The following SCFD2 variants were observed in gnomAD, a reference collection of about 807,000 sequenced individuals.
SCFD2 encodes sec1 family domain-containing protein 2.
A neutral mutation model predicts 58.9 loss-of-function variants in SCFD2; 54 were observed. That is an observed-to-expected ratio of 0.92 (90% CI 0.74 to 1.15). The LOEUF is 1.15. Ranked by LOEUF, SCFD2 falls within the 50% of genes most tolerant of loss-of-function variation. The pLI is 0.00. For missense variants in SCFD2, 805 were observed against 836.6 expected (o/e 0.96, Z 0.47); for synonymous variants, 321 against 335.9 (o/e 0.96, Z 0.49).
At chr4:52,965,130 A>G (rs1207137464) in intron 5 of SCFD2, among the ~76,000 whole-genome samples, 1 of 152,204 alleles carries the variant, frequency 6.6e-6, no homozygotes, top group Non-Finnish European at 1.5e-5. Context: ...GGTGGAGGCC[A>G]GGCTGGAAAA....
chr4:53,358,194 T>C (rs1185246394), intron 1 of SCFD2, among the ~76,000 whole-genome samples: 1 of 152,110 alleles, frequency 6.6e-6, no homozygotes, highest in Non-Finnish European at 1.5e-5. Context: ...AATCCCAGGA[T>C]TAAGAACCAT....
intron 5 of SCFD2, among the ~76,000 whole-genome samples, chr4:52,988,499 T>G (rs4530694): frequency 0.49 from 74,613 of 152,022 alleles, 18,573 homozygotes; most frequent in Middle Eastern, 0.53. Context: ...GTTTGAGTGA[T>G]GAAGTCTGAG....
chr4:53,238,519 C>G (rs1210518660), intron 4 of SCFD2, among the ~76,000 whole-genome samples: 2 of 151,838 alleles, frequency 1.3e-5, no homozygotes, highest in African/African-American at 4.8e-5. Context: ...CACCTCCCTC[C>G]CGGATGGGGT....
intron 8 of SCFD2, among the ~76,000 whole-genome samples, chr4:52,876,137 C>T (rs1015130764): frequency 2.9e-5 from 1 of 34,380 alleles, no homozygotes; most frequent in Admixed American, 4.2e-4. Context: ...CAGCTCCACA[C>T]TGACTGGCCA....
chr4:52,979,222 G>A (rs1419172312), intron 5 of SCFD2, among the ~76,000 whole-genome samples: 1 of 152,144 alleles, frequency 6.6e-6, no homozygotes, highest in East Asian at 1.9e-4. Flanking sequence ...ACAGATGGGT[G>A]TGAATAATAC....
At chr4:53,254,845 ATTTTATTTT>A (rs1730542982) in intron 4 of SCFD2, among the ~76,000 whole-genome samples, 3 of 84,684 alleles carry the variant, frequency 3.5e-5, no homozygotes, top group Non-Finnish European at 7.6e-5. Flanking sequence ...ATTTTATTTT[ATTTTATTTT>A]ATTTTATTTA....
At chr4:52,890,849 G>A (rs1331880813) in intron 7 of SCFD2, among the ~76,000 whole-genome samples, 1 of 152,086 alleles carries the variant, frequency 6.6e-6, no homozygotes, top group Non-Finnish European at 1.5e-5. Flanking sequence ...CACTGGGGTT[G>A]TCAAAAGAAG....
chr4:53,286,958 T>G (rs955097513), intron 3 of SCFD2, among the ~76,000 whole-genome samples: 8 of 152,154 alleles, frequency 5.3e-5, no homozygotes, highest in African/African-American at 1.9e-4. Flanking sequence ...GGGAAGTTAC[T>G]GTGCCCTGTT....
intron 5 of SCFD2, among the ~76,000 whole-genome samples, chr4:52,969,853 A>G (rs1466151792): frequency 6.6e-6 from 1 of 152,242 alleles, no homozygotes; most frequent in Non-Finnish European, 1.5e-5. Context: ...ATGACCTGCA[A>G]GGACCATTAT....
intron 2 of SCFD2, among the ~76,000 whole-genome samples, chr4:53,325,778 A>G (rs977987028): frequency 6.6e-6 from 1 of 152,258 alleles, no homozygotes; most frequent in Non-Finnish European, 1.5e-5. Flanking sequence ...TTCAGAAAGC[A>G]TAAGCAACAT....
chr4:53,072,126 A>C (rs373365561), intron 5 of SCFD2, among the ~76,000 whole-genome samples: 14 of 152,222 alleles, frequency 9.2e-5, no homozygotes, highest in African/African-American at 3.4e-4. Flanking sequence ...CCAGAATCTC[A>C]GATACTTAAA....
intron 4 of SCFD2, among the ~76,000 whole-genome samples, chr4:53,163,758 G>C (rs1357131287): frequency 6.6e-6 from 1 of 152,078 alleles, no homozygotes; most frequent in Non-Finnish European, 1.5e-5. Context: ...GGAGAGAGGA[G>C]AAGAGAGAAC....
chr4:53,228,668 T>A (rs1430187322), intron 4 of SCFD2, among the ~76,000 whole-genome samples: 2 of 152,172 alleles, frequency 1.3e-5, no homozygotes, highest in Non-Finnish European at 2.9e-5. Context: ...AATATCATAC[T>A]GAATGGGCAA....
chr4:53,116,152 T>C (rs986728038), intron 5 of SCFD2, among the ~76,000 whole-genome samples: 2 of 152,214 alleles, frequency 1.3e-5, no homozygotes, highest in African/African-American at 4.8e-5. Context: ...GAAATTCCTT[T>C]TGTTTTCATT....
In SCFD2 at chr4:52,907,438, C is replaced by A; in HGVS notation, c.1842+19G>T. 1 of 1,612,462 alleles carries A rather than the reference C, an allele frequency of 6.2e-7. No homozygotes were observed. The highest frequency in any genetic ancestry group is 1.7e-4 in the Middle Eastern group (1 of 6,054). ...AGAACATTTCTACACTCAGGATTAC[C>A]TCTCCATGGTTACTTTACCTTCATG... On this transcript the variant is annotated intron_variant, in intron 7 of 8. Coordinates refer to ENST00000401642, the MANE Select transcript of SCFD2 (RefSeq NM_152540.4).
In SCFD2 at chr4:53,114,266, T is replaced by C. The variant is rs570368430; in HGVS notation, c.1561+31067A>G. Among the ~76,000 whole-genome samples, 39 of 152,210 alleles carry C rather than the reference T, an allele frequency of 2.6e-4. No homozygotes were observed. The South Asian group carries it at 5.8e-3, about 23-fold the overall frequency. ...TATGCACACATACTACACATAGTAT[T>C]AACATAAAAGGGGCTTTAGCAGCTT... On this transcript the variant is annotated intron_variant, in intron 5 of 8. Transcript: ENST00000401642.
At chr4:53,010,635 T>C (rs1560509013) in intron 5 of SCFD2, among the ~76,000 whole-genome samples, 2 of 152,196 alleles carry the variant, frequency 1.3e-5, no homozygotes, top group Non-Finnish European at 2.9e-5. Flanking sequence ...TAAACTTTTC[T>C]GAAACGAATA....
intron 4 of SCFD2, among the ~76,000 whole-genome samples, chr4:53,237,335 G>A (rs527522275): frequency 2.8e-4 from 42 of 151,822 alleles, no homozygotes; most frequent in South Asian, 2.1e-3. Context: ...ATCCTGGCCC[G>A]TTCTCAATGA....
chr4:53,348,169 C>CA (rs1256909611), intron 2 of SCFD2, among the ~76,000 whole-genome samples: 1 of 152,226 alleles, frequency 6.6e-6, no homozygotes, highest in African/African-American at 2.4e-5. Flanking sequence ...GCAGTAACTT[C>CA]AATTGCTATA....
Sources: allele counts gnomAD v4.1 joint callset (sites outside exome capture counted in the v4.1 genomes callset), GRCh38; gene constraint gnomAD v4.1.1; transcripts MANE v1.5; gene names NCBI Gene and HGNC (gene_info 2026-07-23, HGNC 2026-07-21).